Variants in SRBD1 observed in about 807,000 individuals in gnomAD.
SRBD1 encodes S1 RNA-binding domain-containing protein 1.
A neutral mutation model predicts 115.3 loss-of-function variants in SRBD1; 88 were observed. That is an observed-to-expected ratio of 0.76 (90% CI 0.64 to 0.91). The LOEUF is 0.91. Ranked by LOEUF, SRBD1 falls within the 40% of genes least tolerant of loss-of-function variation. The pLI is 0.00. For synonymous variants in SRBD1, 509 were observed against 407.7 expected (o/e 1.25, Z -2.99); for missense variants, 1,385 against 1,177.4 (o/e 1.18, Z -2.58).
chr2:45,586,321 G>A (rs749800877), intron 4 of SRBD1, among the ~76,000 whole-genome samples: 1 of 151,936 alleles, frequency 6.6e-6, no homozygotes, highest in African/African-American at 2.4e-5. Context: ...AAAAACCTAA[G>A]TTTACAATGG....
chr2:45,574,462 A>G (rs1460353656), intron 8 of SRBD1, among the ~76,000 whole-genome samples, 165 bp downstream of exon 8: 1 of 152,128 alleles, frequency 6.6e-6, no homozygotes, highest in African/African-American at 2.4e-5. Flanking sequence ...CTTTACTTTT[A>G]TCTGTTTTAT....
chr2:45,600,365 T>C (rs1371628618), intron 3 of SRBD1, among the ~76,000 whole-genome samples: 1 of 152,188 alleles, frequency 6.6e-6, no homozygotes. Context: ...TCCCATTGCA[T>C]GTCAACTATT....
At chr2:45,543,172 G>A (rs1207534542) in intron 14 of SRBD1, among the ~76,000 whole-genome samples, 2 of 152,166 alleles carry the variant, frequency 1.3e-5, no homozygotes, top group Non-Finnish European at 2.9e-5. Context: ...AATTCAGTAT[G>A]TGATAACTGA....
chr2:45,410,825 AG>A (rs1236450994), intron 19 of SRBD1, among the ~76,000 whole-genome samples: 1 of 152,238 alleles, frequency 6.6e-6, no homozygotes, highest in Non-Finnish European at 1.5e-5. Context: ...GCTTCTAGAT[AG>A]CTCAACACCT....
intron 4 of SRBD1, among the ~76,000 whole-genome samples, chr2:45,594,758 C>G (rs1673841366): frequency 6.6e-6 from 1 of 152,088 alleles, no homozygotes; most frequent in Non-Finnish European, 1.5e-5. Context: ...ATGAACTCAC[C>G]CTGGCTAAAA....
At chr2:45,517,725 T>A (rs1044023825) in intron 14 of SRBD1, among the ~76,000 whole-genome samples, 2 of 152,228 alleles carry the variant, frequency 1.3e-5, no homozygotes, top group African/African-American at 2.4e-5. Context: ...CTGGGCGTGG[T>A]GGCTCACACC....
chr2:45,457,734 T>C (rs1486156401), intron 16 of SRBD1, among the ~76,000 whole-genome samples: 1 of 152,036 alleles, frequency 6.6e-6, no homozygotes, highest in Non-Finnish European at 1.5e-5. Context: ...AAATCACTGA[T>C]AGTCTAATTC....
intron 12 of SRBD1, 57 bp downstream of exon 12, chr2:45,551,068 A>G (rs1672282751): frequency 1.9e-6 from 3 of 1,539,272 alleles, no homozygotes; most frequent in Non-Finnish European, 2.6e-6. Flanking sequence ...AAATGTATGA[A>G]GTGAAACTTA....
intron 14 of SRBD1, among the ~76,000 whole-genome samples, chr2:45,534,041 C>A (rs2103990746): frequency 6.6e-6 from 1 of 152,018 alleles, no homozygotes; most frequent in Admixed American, 6.5e-5. Flanking sequence ...GTAACTCCTG[C>A]AGATATTTAA....
At chr2:45,463,808 C>T (rs1242341443) in intron 16 of SRBD1, among the ~76,000 whole-genome samples, 1 of 152,092 alleles carries the variant, frequency 6.6e-6, no homozygotes, top group Non-Finnish European at 1.5e-5. Flanking sequence ...TGCATCCACA[C>T]ACAACCAATA....
chr2:45,503,423 A>G (rs1043452241), intron 14 of SRBD1, among the ~76,000 whole-genome samples: 1 of 152,202 alleles, frequency 6.6e-6, no homozygotes, highest in African/African-American at 2.4e-5. Flanking sequence ...TATAAGAAAC[A>G]TGTCTACTTT....
At chr2:45,595,087 T>A (rs1417831972) in intron 4 of SRBD1, among the ~76,000 whole-genome samples, 1 of 152,246 alleles carries the variant, frequency 6.6e-6, no homozygotes, top group Non-Finnish European at 1.5e-5. Context: ...TGAAATGAAG[T>A]GTTGCTTGAT....
chr2:45,497,901 A>C (rs1393968260), intron 14 of SRBD1, among the ~76,000 whole-genome samples: 1 of 152,012 alleles, frequency 6.6e-6, no homozygotes, highest in Non-Finnish European at 1.5e-5. Flanking sequence ...CGGCATGGTG[A>C]CATGCACCTG....
At chr2:45,419,685 A>G (rs3213787) in intron 17 of SRBD1, 103 bp downstream of exon 17, 49,497 of 925,800 alleles carry the variant, frequency 0.053, 2,284 homozygotes, top group Admixed American at 0.17. Context: ...GACGTTCTCT[A>G]CTTGACAACT....
chr2:45,572,208 A>G (rs993015069), intron 9 of SRBD1, among the ~76,000 whole-genome samples: 10 of 152,276 alleles, frequency 6.6e-5, no homozygotes, highest in East Asian at 1.9e-4. Flanking sequence ...AGGCCATACC[A>G]TAAGAGTGGA....
intron 12 of SRBD1, 96 bp from the exon 13 acceptor site, chr2:45,547,708 T>A: frequency 2.0e-6 from 2 of 991,154 alleles, no homozygotes; most frequent in Non-Finnish European, 1.5e-6. Context: ...AAAAGGAGAC[T>A]GGCTTGTTTT....
chr2:45,567,990 A>C (rs921439086), intron 9 of SRBD1: 5 of 152,252 alleles, frequency 3.3e-5, no homozygotes, highest in Non-Finnish European at 7.3e-5. Flanking sequence ...AAGGTAACAG[A>C]AATAATAAAG....
intron 9 of SRBD1, among the ~76,000 whole-genome samples, chr2:45,563,915 T>C (rs1250866715): frequency 6.6e-6 from 1 of 152,152 alleles, no homozygotes; most frequent in Non-Finnish European, 1.5e-5. Flanking sequence ...TTCCAAAAGA[T>C]ATTAGAGAAG....
intron 16 of SRBD1, among the ~76,000 whole-genome samples, chr2:45,468,063 C>T (rs562124388): frequency 2.0e-5 from 3 of 152,194 alleles, no homozygotes; most frequent in East Asian, 1.9e-4. Context: ...ATTTTTCTCT[C>T]GTTCCATGCC....
Sources: gnomAD v4.1 joint callset for allele counts (sites outside exome capture counted in the v4.1 genomes callset) on GRCh38, gnomAD v4.1.1 for gene constraint, MANE v1.5 for transcripts, NCBI Gene and HGNC (gene_info 2026-07-23, HGNC 2026-07-21) for gene names.